The following RALGPS2 variants were observed in gnomAD, a reference collection of about 807,000 sequenced individuals.
The protein encoded by RALGPS2 is Ral GEF with PH domain and SH3 binding motif 2, also known as ras-specific guanine nucleotide-releasing factor RalGPS2.
In RALGPS2, 43 loss-of-function variants were observed where a neutral mutation model predicts 86.8. The ratio of observed to expected loss-of-function variants is 0.50; its 90% CI spans 0.39 to 0.64. RALGPS2 has a LOEUF of 0.64. Ranked by LOEUF, RALGPS2 falls within the 30% of genes least tolerant of loss-of-function variation. The pLI is 0.00. For synonymous variants in RALGPS2, 243 were observed against 231.3 expected, an observed-to-expected ratio of 1.05 and a Z score of -0.46; for missense variants, 536 against 694.6, an observed-to-expected ratio of 0.77 and a Z score of 2.57.
intron 1 of RALGPS2, among the ~76,000 whole-genome samples, chr1:178,770,402 G>A (rs1251530260): frequency 6.6e-6 from 1 of 151,994 alleles, no homozygotes; most frequent in Non-Finnish European, 1.5e-5. Context: ...ACCATGTTGG[G>A]GGGAAAAAGA....
intron 1 of RALGPS2, among the ~76,000 whole-genome samples, chr1:178,773,059 T>G (rs1251733490): frequency 6.6e-6 from 1 of 152,196 alleles, no homozygotes; most frequent in African/African-American, 2.4e-5. Context: ...GTCTCAGCTT[T>G]CCAAAGTGCT....
intron 7 of RALGPS2, among the ~76,000 whole-genome samples, chr1:178,830,076 A>G (rs1473321588): frequency 6.6e-6 from 1 of 152,200 alleles, no homozygotes; most frequent in African/African-American, 2.4e-5. Context: ...TTCTTACCAT[A>G]CAAATACATA....
chr1:178,786,129 G>A (rs914391596), intron 4 of RALGPS2, among the ~76,000 whole-genome samples: 3 of 152,086 alleles, frequency 2.0e-5, no homozygotes, highest in Admixed American at 2.0e-4. Flanking sequence ...GACTGAGGAA[G>A]AAGGGAGATT....
At chr1:178,788,376 G>T (rs1429915583) in intron 4 of RALGPS2, among the ~76,000 whole-genome samples, 3 of 152,154 alleles carry the variant, frequency 2.0e-5, no homozygotes, top group Non-Finnish European at 4.4e-5. Context: ...TAAAATTCCT[G>T]CCCTCATGGA....
At chr1:178,770,838 GTTT>G (rs1276426119) in intron 1 of RALGPS2, among the ~76,000 whole-genome samples, 1 of 109,564 alleles carries the variant, frequency 9.1e-6, no homozygotes, top group Non-Finnish European at 2.0e-5. Context: ...TGTTGTTGTT[GTTT>G]TTTTTTTTTT....
chr1:178,781,160 A>G (rs1653374960), intron 2 of RALGPS2, among the ~76,000 whole-genome samples: 1 of 152,158 alleles, frequency 6.6e-6, no homozygotes, highest in East Asian at 1.9e-4. Flanking sequence ...ACCAAAAGTG[A>G]ATTAATTACA....
intron 1 of RALGPS2, among the ~76,000 whole-genome samples, chr1:178,765,122 C>G (rs774431599): frequency 1.3e-5 from 2 of 151,970 alleles, no homozygotes; most frequent in African/African-American, 2.4e-5. Flanking sequence ...GCCGATTAAA[C>G]CACTTTTCTT....
At chr1:178,875,702 C>A (rs567490023) in intron 8 of RALGPS2, among the ~76,000 whole-genome samples, 1 of 151,528 alleles carries the variant, frequency 6.6e-6, no homozygotes, top group Non-Finnish European at 1.5e-5. Flanking sequence ...GAGCCGAGAT[C>A]GCACCACTGC....
intron 7 of RALGPS2, among the ~76,000 whole-genome samples, chr1:178,824,837 G>T (rs540494088): frequency 6.6e-6 from 1 of 151,916 alleles, no homozygotes; most frequent in East Asian, 1.9e-4. Context: ...AGAAAAGATA[G>T]TTTATCCATT....
chr1:178,905,131 C>T (rs999165248), intron 18 of RALGPS2, among the ~76,000 whole-genome samples: 1 of 151,828 alleles, frequency 6.6e-6, no homozygotes. Flanking sequence ...TTATAAAAGG[C>T]GTTGAATTCT....
At chr1:178,840,258 A>T (rs1172419461) in intron 8 of RALGPS2, among the ~76,000 whole-genome samples, 2 of 152,162 alleles carry the variant, frequency 1.3e-5, no homozygotes, top group East Asian at 1.9e-4. Flanking sequence ...GAAGTAAAGC[A>T]CTCCTCAGCA....
At chr1:178,861,514 A>G (rs1456207059) in intron 8 of RALGPS2, among the ~76,000 whole-genome samples, 1 of 151,628 alleles carries the variant, frequency 6.6e-6, no homozygotes, top group East Asian at 1.9e-4. Context: ...TTCATTTTGT[A>G]TAAACATTTT....
At chr1:178,758,347 G>T (rs1351749901) in intron 1 of RALGPS2, among the ~76,000 whole-genome samples, 1 of 151,940 alleles carries the variant, frequency 6.6e-6, no homozygotes, top group African/African-American at 2.4e-5. Context: ...TAATCATCTC[G>T]TGGTAAATGG....
chr1:178,899,159 C>A (rs987447976), intron 17 of RALGPS2, among the ~76,000 whole-genome samples: 1 of 151,796 alleles, frequency 6.6e-6, no homozygotes, highest in African/African-American at 2.4e-5. Context: ...CTGAATTTGT[C>A]ATCTAATGGA....
intron 4 of RALGPS2, among the ~76,000 whole-genome samples, chr1:178,789,505 G>A (rs1410660314): frequency 6.6e-6 from 1 of 152,178 alleles, no homozygotes; most frequent in Non-Finnish European, 1.5e-5. Context: ...AAAATATAAT[G>A]CACAATGCAC....
At chr1:178,843,687 G>A (rs1459600865) in intron 8 of RALGPS2, among the ~76,000 whole-genome samples, 1 of 150,666 alleles carries the variant, frequency 6.6e-6, no homozygotes, top group Non-Finnish European at 1.5e-5. Flanking sequence ...AAACCAAAAA[G>A]GGAAAAAAAA....
intron 8 of RALGPS2, among the ~76,000 whole-genome samples, chr1:178,861,733 A>T (rs1022604603): frequency 1.3e-5 from 2 of 152,246 alleles, no homozygotes; most frequent in African/African-American, 4.8e-5. Context: ...CTGATAAATT[A>T]TATAAAAGCT....
chr1:178,885,029 G>GA, intron 11 of RALGPS2, 47 bp from the exon 12 acceptor site: 1 of 1,500,298 alleles, frequency 6.7e-7, no homozygotes, highest in Non-Finnish European at 8.9e-7. Context: ...TCAAGGGACT[G>GA]AAAAATAAAG....
chr1:178,818,996 T>C (rs1427828854), intron 6 of RALGPS2, among the ~76,000 whole-genome samples: 7 of 150,886 alleles, frequency 4.6e-5, no homozygotes, highest in South Asian at 2.1e-4. Context: ...TTTTCTTTTT[T>C]TTTTTTTTTT....
Sources: allele counts gnomAD v4.1 joint callset (sites outside exome capture counted in the v4.1 genomes callset), GRCh38; gene constraint gnomAD v4.1.1; transcripts MANE v1.5; gene names NCBI Gene and HGNC (gene_info 2026-07-23, HGNC 2026-07-21).